PPP1R14C: variants seen among roughly 807,000 people sequenced by gnomAD.
The protein encoded by PPP1R14C is protein phosphatase 1 regulatory inhibitor subunit 14C.
In PPP1R14C, 16 loss-of-function variants were observed where a neutral mutation model predicts 20.4. That is an observed-to-expected ratio of 0.78 (90% CI 0.53 to 1.19). The LOEUF (loss-of-function observed/expected upper bound fraction) is 1.19, where lower values mean the gene tolerates loss of function less well. PPP1R14C is among the 50% of genes most tolerant of loss of function. PPP1R14C has a pLI of 0.00. For synonymous variants in PPP1R14C, 91 were observed against 91.0 expected (o/e 1.00, Z 0.00); for missense variants, 211 against 220.1 (o/e 0.96, Z 0.26).
At chr6:150,247,505 T>A (rs906319846) in intron 3 of PPP1R14C, among the ~76,000 whole-genome samples, 1 of 152,214 alleles carries the variant, frequency 6.6e-6, no homozygotes, top group South Asian at 2.1e-4. Context: ...GATTTACAGG[T>A]CATGAAATCC....
intron 1 of PPP1R14C, among the ~76,000 whole-genome samples, chr6:150,177,056 C>T (rs75226630): frequency 0.012 from 1,869 of 152,294 alleles, 39 homozygotes; most frequent in African/African-American, 0.04. Context: ...CTAATATCCA[C>T]GGCTCAGCCT....
intron 3 of PPP1R14C, among the ~76,000 whole-genome samples, 180 bp downstream of exon 3, chr6:150,217,036 G>C (rs965826020): frequency 2.6e-5 from 4 of 152,172 alleles, no homozygotes; most frequent in Admixed American, 1.3e-4. Flanking sequence ...GCCTAAACAT[G>C]TCTAGTTCAG....
intron 1 of PPP1R14C, among the ~76,000 whole-genome samples, chr6:150,197,511 C>G (rs191274746): frequency 2.0e-5 from 3 of 152,348 alleles, no homozygotes; most frequent in Non-Finnish European, 4.4e-5. Context: ...GAACAGGTGG[C>G]GTAAAAGCTA....
chr6:150,183,535 G>A (rs1041967418), intron 1 of PPP1R14C, among the ~76,000 whole-genome samples: 16 of 149,316 alleles, frequency 1.1e-4, no homozygotes, highest in African/African-American at 2.2e-4. Context: ...TTTTTGAGAC[G>A]CAGTCTCACT....
At chr6:150,160,253 A>ATTTTTTTTTTTTTTTTTTTTTTTT (rs1562257938) in intron 1 of PPP1R14C, among the ~76,000 whole-genome samples, 1 of 117,112 alleles carries the variant, frequency 8.5e-6, no homozygotes, top group African/African-American at 3.4e-5. Flanking sequence ...TGTGTAGCTC[A>ATTTTTTTTTTTTTTTTTTTTTTTT]TTCTTTTTTT....
At chr6:150,198,917 T>C (rs1014708915) in intron 1 of PPP1R14C, among the ~76,000 whole-genome samples, 17 of 152,132 alleles carry the variant, frequency 1.1e-4, no homozygotes, top group Non-Finnish European at 2.1e-4. Context: ...AGGGGTAACA[T>C]AGCCAGGAAG....
chr6:150,168,561 C>CAA (rs1335293938), intron 1 of PPP1R14C, among the ~76,000 whole-genome samples: 10 of 151,832 alleles, frequency 6.6e-5, no homozygotes, highest in Admixed American at 2.6e-4. Context: ...CAAAACAAAA[C>CAA]AAAAAAACCC....
rs1778070904 is a variant in PPP1R14C at position 150,214,835 on chromosome 6, G to T, written c.390+8G>T. 2 of 1,601,882 alleles carry T rather than the reference G, an allele frequency of 1.2e-6. No individual in the cohort carries two copies. The highest frequency in any genetic ancestry group is 2.2e-5 in the South Asian group (2 of 89,340). ...AGAGCTTCAAAATTACAGGTAAGCAGTTTCCAAAATTGAGAACCTTCTAAT... is the reference window on the plus strand; with the variant it reads ...AGAGCTTCAAAATTACAGGTAAGCATTTTCCAAAATTGAGAACCTTCTAAT... On this transcript the variant is annotated splice_region_variant and intron_variant, in intron 2 of 3. Coordinates refer to ENST00000361131, the MANE Select transcript of PPP1R14C (RefSeq NM_030949.3).
At chr6:150,224,190 A>G (rs993898209) in intron 3 of PPP1R14C, among the ~76,000 whole-genome samples, 6 of 152,180 alleles carry the variant, frequency 3.9e-5, no homozygotes, top group East Asian at 1.9e-4. Flanking sequence ...TCTCTTTTCT[A>G]TTCCAATTAT....
chr6:150,168,010 CCTCCCACCCTT>C (rs1777449520), intron 1 of PPP1R14C, among the ~76,000 whole-genome samples: 1 of 100,718 alleles, frequency 9.9e-6, no homozygotes, highest in African/African-American at 4.2e-5. Flanking sequence ...CCCTTGCTTT[CCTCCCACCCTT>C]TCTGCGGCCC....
intron 1 of PPP1R14C, among the ~76,000 whole-genome samples, chr6:150,200,789 C>T (rs1351061726): frequency 6.6e-6 from 1 of 152,210 alleles, no homozygotes; most frequent in Non-Finnish European, 1.5e-5. Context: ...GAGCCTGAAT[C>T]CATTCATATC....
intron 3 of PPP1R14C, among the ~76,000 whole-genome samples, chr6:150,239,929 C>T (rs1303143980): frequency 6.6e-6 from 1 of 152,070 alleles, no homozygotes; most frequent in East Asian, 1.9e-4. Flanking sequence ...TGGTGCATGC[C>T]TGTAATCCCA....
At chr6:150,178,972 A>C (rs12201610) in intron 1 of PPP1R14C, among the ~76,000 whole-genome samples, 24,016 of 151,826 alleles carry the variant, frequency 0.16, 2,042 homozygotes, top group South Asian at 0.31. Context: ...TGCTTTCTAT[A>C]CTCTCCCTGT....
At chr6:150,194,509 A>G (rs1234020039) in intron 1 of PPP1R14C, 13 of 978,342 alleles carry the variant, frequency 1.3e-5, no homozygotes, top group Middle Eastern at 5.2e-4. Context: ...TTTGTATGCC[A>G]ATTATAAATC....
chr6:150,212,891 G>A (rs1309316667), intron 1 of PPP1R14C, among the ~76,000 whole-genome samples: 2 of 152,266 alleles, frequency 1.3e-5, no homozygotes, highest in East Asian at 3.9e-4. Flanking sequence ...GGTAGGCTAC[G>A]CCATCTAGGT....
At chr6:150,194,221 G>A (rs1003145352) in intron 1 of PPP1R14C, among the ~76,000 whole-genome samples, 43 of 152,346 alleles carry the variant, frequency 2.8e-4, no homozygotes, top group African/African-American at 9.9e-4. Context: ...CCAGCAGCGT[G>A]AGAACAGACT....
chr6:150,169,563 A>G (rs537523830), intron 1 of PPP1R14C, among the ~76,000 whole-genome samples: 8 of 152,308 alleles, frequency 5.3e-5, no homozygotes, highest in African/African-American at 1.9e-4. Context: ...GCTAAACCCA[A>G]TGGTTGAGTA....
intron 1 of PPP1R14C, among the ~76,000 whole-genome samples, chr6:150,155,368 G>T (rs1582895390): frequency 6.6e-6 from 1 of 152,272 alleles, no homozygotes; most frequent in East Asian, 1.9e-4. Flanking sequence ...TATAATGATA[G>T]AATCATAAAG....
intron 1 of PPP1R14C, among the ~76,000 whole-genome samples, chr6:150,170,614 G>A (rs950274805): frequency 5.3e-5 from 8 of 152,032 alleles, no homozygotes; most frequent in African/African-American, 1.7e-4. Flanking sequence ...GAGCCACTGC[G>A]CCCGGCTGCT....
Sources: gnomAD v4.1 joint callset for allele counts (sites outside exome capture counted in the v4.1 genomes callset) on GRCh38, gnomAD v4.1.1 for gene constraint, MANE v1.5 for transcripts, NCBI Gene and HGNC (gene_info 2026-07-23, HGNC 2026-07-21) for gene names.